The following ANKRD7 variants were observed in gnomAD, a reference collection of about 807,000 sequenced individuals.
ANKRD7 encodes the protein ankyrin repeat domain 7.
In ANKRD7, 30 loss-of-function variants were observed where a neutral mutation model predicts 30.8. That is an observed-to-expected ratio of 0.97 (90% CI 0.73 to 1.32). The LOEUF (loss-of-function observed/expected upper bound fraction) is 1.32, where lower values mean the gene tolerates loss of function less well. Among genes scored for constraint, ANKRD7 ranks in the 40% most tolerant of loss-of-function variants. The pLI, the probability that ANKRD7 is intolerant of heterozygous loss-of-function variation, is 0.00. For missense variants in ANKRD7, 264 were observed against 295.7 expected (o/e 0.89, Z 0.79); for synonymous variants, 97 against 106.6 (o/e 0.91, Z 0.55).
At chr7:118,234,953 G>T in intron 3 of ANKRD7, 79 bp downstream of exon 3, 1 of 1,228,790 alleles carries the variant, frequency 8.1e-7, no homozygotes. Context: ...CATCTATGTT[G>T]AAATATATGT....
chr7:118,230,259 G>C (rs1488685548), intron 1 of ANKRD7, among the ~76,000 whole-genome samples: 3 of 151,920 alleles, frequency 2.0e-5, no homozygotes, highest in Admixed American at 2.0e-4. Context: ...GGACATAAAG[G>C]TGGAAATAAT....
intron 1 of ANKRD7, among the ~76,000 whole-genome samples, chr7:118,232,298 T>A (rs865920439): frequency 8.5e-5 from 13 of 152,234 alleles, no homozygotes; most frequent in South Asian, 2.1e-4. Flanking sequence ...GTATGTTTTT[T>A]AAAACATTTT....
intron 4 of ANKRD7, 60 bp downstream of exon 4, chr7:118,236,207 CGTAT>C (rs1230961713): frequency 2.3e-5 from 14 of 595,992 alleles, no homozygotes; most frequent in Admixed American, 5.6e-5. Flanking sequence ...TGTGTGTGTG[CGTAT>C]GTGTGTGTGT....
rs538035413 is a variant in ANKRD7, at chr7:118,242,420, A to C, written c.*109A>C. Reference sequence around the variant, plus strand: ...AAAAATGTACTTTGAAAGAACCGTTAAGTGAACTATTATAATATTTTTGCT... The same window carrying C: ...AAAAATGTACTTTGAAAGAACCGTTCAGTGAACTATTATAATATTTTTGCT... On this transcript the variant is annotated 3_prime_UTR_variant, in exon 7 of 7. Transcript: ENST00000265224. 2 of 152,108 alleles carry C rather than the reference A, an allele frequency of 1.3e-5. No homozygotes were observed. The highest frequency in any genetic ancestry group is 4.8e-5 in the African/African-American group (2 of 41,442). The allele number at this position is 152,108 out of a possible 1,614,324, so 9.4% of individuals were successfully genotyped here. A position where few individuals can be genotyped will look rare whatever the true frequency, so the allele number is the denominator to read the frequency against.
rs763516782 is a variant in ANKRD7, at chr7:118,236,126, A to G, written c.554A>G (p.Asn185Ser). 7.5e-6 allele frequency: 12 copies of G among 1,591,742 alleles called. No homozygotes were observed. Among genetic ancestry groups the G allele is most frequent in the African/African-American group, 2.7e-5 (2 of 74,016 alleles). Residue 185 changes from asparagine (N) to serine (S), a missense_variant, in exon 4 of 7, where the codon AAT becomes AGT. Asn to Ser is a conservative substitution (Grantham distance 46, BLOSUM62 1). Coordinates refer to ENST00000265224, the MANE Select transcript of ANKRD7 (RefSeq NM_019644.4). ...CTTCTGGAGAAAGGGGCTGATGTGA[A>G]TGCTTCAGATAATTATCAAAGGTAT... is the stretch of plus-strand genomic sequence containing the variant. Reference protein sequence around the residue: ...KFLLEKGADVNASDNYQRTAL... With the variant: ...KFLLEKGADVSASDNYQRTAL...
chr7:118,227,343 G>A (rs1809560101), intron 1 of ANKRD7, among the ~76,000 whole-genome samples: 3 of 152,282 alleles, frequency 2.0e-5, no homozygotes, highest in Non-Finnish European at 4.4e-5. Context: ...CACCTCCTTT[G>A]CTCTCTTGGG....
chr7:118,236,148 G>T lies in ANKRD7; in HGVS notation c.575+1G>T. 1 of 1,532,104 alleles carries T rather than the reference G, an allele frequency of 6.5e-7. No individual in the cohort carries two copies. The highest frequency in any genetic ancestry group is 1.2e-5 in the South Asian group (1 of 86,844). 94.9% of individuals were successfully genotyped at this position (1,532,104 alleles called of 1,614,324 possible). A position where few individuals can be genotyped will look rare whatever the true frequency, so the allele number is the denominator to read the frequency against. ...TGAATGCTTCAGATAATTATCAAAGGTATAATTAATAAATAAGATAGCACA... is the reference window on the plus strand; with the variant it reads ...TGAATGCTTCAGATAATTATCAAAGTTATAATTAATAAATAAGATAGCACA... On this transcript the variant is annotated splice_donor_variant, in intron 4 of 6. Transcript: ENST00000265224. LOFTEE classifies it high-confidence loss of function.
intron 1 of ANKRD7, among the ~76,000 whole-genome samples, chr7:118,230,319 G>A (rs1397729291): frequency 1.3e-5 from 2 of 151,930 alleles, no homozygotes; most frequent in Admixed American, 6.6e-5. Context: ...CATGAGAGTT[G>A]AAAAACTACC....
intron 5 of ANKRD7, among the ~76,000 whole-genome samples, chr7:118,238,572 G>A (rs531484956): frequency 6.6e-6 from 1 of 152,248 alleles, no homozygotes; most frequent in Non-Finnish European, 1.5e-5. Flanking sequence ...GGCTCTCTAT[G>A]TAGATTCTAT....
intron 5 of ANKRD7, among the ~76,000 whole-genome samples, chr7:118,237,264 T>C (rs1809746533): frequency 6.6e-6 from 1 of 152,226 alleles, no homozygotes; most frequent in South Asian, 2.1e-4. Context: ...CCTTTAGATA[T>C]TATTAATATA....
At chr7:118,235,074 G>A (rs997788430) in intron 3 of ANKRD7, among the ~76,000 whole-genome samples, 200 bp downstream of exon 3, 1 of 152,074 alleles carries the variant, frequency 6.6e-6, no homozygotes, top group Non-Finnish European at 1.5e-5. Flanking sequence ...ATTGCAGATT[G>A]TAATCCTGAC....
At chr7:118,241,758 C>G (rs1433944374) in intron 6 of ANKRD7, among the ~76,000 whole-genome samples, 1 of 151,914 alleles carries the variant, frequency 6.6e-6, no homozygotes, top group African/African-American at 2.4e-5. Flanking sequence ...AGGCTGGTCT[C>G]GAACTCCTGA....
chr7:118,241,990 A>C (rs376296921), intron 6 of ANKRD7, among the ~76,000 whole-genome samples: 3 of 152,188 alleles, frequency 2.0e-5, no homozygotes, highest in Non-Finnish European at 2.9e-5. Flanking sequence ...CTACAGAAAA[A>C]TCATTGCTAC....
Position 118,236,097 on chromosome 7 carries a change from A to G in ANKRD7, c.525A>G (p.Lys175=). The G allele has an allele frequency of 1.9e-6, 3 of 1,609,172 alleles. No individual in the cohort carries two copies. The highest frequency in any genetic ancestry group is 1.7e-6 in the Non-Finnish European group (2 of 1,176,408). The stretch of plus-strand genomic sequence containing the variant: ...TTAACAATAATCCAAAAATGGTAAA[A>G]TTTCTTCTGGAGAAAGGGGCTGATG... ...AVINNNPKMV[K]FLLEKGADVN... The change falls in exon 4 of 7, where the codon AAA becomes AAG. Residue 175 remains lysine, a synonymous_variant. Transcript: ENST00000265224.
At chr7:118,226,658 G>T (rs1809547551) in intron 1 of ANKRD7, among the ~76,000 whole-genome samples, 2 of 152,210 alleles carry the variant, frequency 1.3e-5, no homozygotes, top group African/African-American at 4.8e-5. Flanking sequence ...GAAGAAGAGG[G>T]GTTGATCACA....
At chr7:118,230,980 G>T (rs1057413650) in intron 1 of ANKRD7, among the ~76,000 whole-genome samples, 1 of 151,802 alleles carries the variant, frequency 6.6e-6, no homozygotes, top group Non-Finnish European at 1.5e-5. Flanking sequence ...TGGAATTTCT[G>T]GTAAAAAAGA....
chr7:118,227,881 AT>A, intron 1 of ANKRD7: 1 of 1,342,532 alleles, frequency 7.4e-7, no homozygotes, highest in Non-Finnish European at 9.8e-7. Flanking sequence ...AAGGATTTGT[AT>A]TTAGCTTATT....
chr7:118,236,327 C>T (rs1252552739), intron 4 of ANKRD7, among the ~76,000 whole-genome samples, 180 bp downstream of exon 4: 1 of 151,804 alleles, frequency 6.6e-6, no homozygotes, highest in Non-Finnish European at 1.5e-5. Flanking sequence ...GACAGATTAC[C>T]TAAACTTTTA....
intron 1 of ANKRD7, among the ~76,000 whole-genome samples, chr7:118,227,433 G>C (rs867914859): frequency 2.2e-4 from 34 of 152,266 alleles, no homozygotes; most frequent in African/African-American, 7.2e-4. Context: ...AGGGTGTTCT[G>C]AATCTCTCTA....
Sources: allele counts gnomAD v4.1 joint callset (sites outside exome capture counted in the v4.1 genomes callset), GRCh38; gene constraint gnomAD v4.1.1; transcripts MANE v1.5; gene names NCBI Gene and HGNC (gene_info 2026-07-23, HGNC 2026-07-21).